EPHA6: variants seen among roughly 807,000 people sequenced by gnomAD.
The protein encoded by EPHA6 is EPH receptor A6.
EPHA6 carries 50 observed loss-of-function variants against 112.0 expected under a neutral mutation model. That is an observed-to-expected ratio of 0.45 (90% CI 0.36 to 0.56). The LOEUF (loss-of-function observed/expected upper bound fraction) is 0.56. EPHA6 is among the 20% of genes least tolerant of loss of function. The probability of loss-of-function intolerance (pLI) is 0.00; values close to 1 mark genes in which losing one functional copy is unlikely to be tolerated. For missense variants in EPHA6, 1,280 were observed against 1,417.4 expected, an observed-to-expected ratio of 0.90 and a Z score of 1.56; for synonymous variants, 529 against 490.7, an observed-to-expected ratio of 1.08 and a Z score of -1.03.
intron 12 of EPHA6, among the ~76,000 whole-genome samples, chr3:97,602,072 C>T (rs1195802817): frequency 6.6e-6 from 1 of 151,992 alleles, no homozygotes; most frequent in East Asian, 1.9e-4. Context: ...GTGTCTTCCC[C>T]AGAGTTTTTG....
In EPHA6 at chr3:96,986,226, T is replaced by C. The variant is rs1408039837; in HGVS notation, c.451-1104T>C. 2.0e-5 allele frequency among the ~76,000 whole-genome samples: 3 copies of C among 152,166 alleles called. No homozygotes were observed. In the East Asian group the frequency reaches 5.8e-4, roughly 29 times the overall value. ...ACTGCTTTCAGGGTACCCAAATATTTTTATTAAATCCCTTAAAAATGGACA... is the reference window on the plus strand; with the variant it reads ...ACTGCTTTCAGGGTACCCAAATATTCTTATTAAATCCCTTAAAAATGGACA... On this transcript the variant is annotated intron_variant, in intron 2 of 17. Transcript: ENST00000389672.
chr3:97,200,766 G>A (rs1273881333), intron 3 of EPHA6, among the ~76,000 whole-genome samples: 1 of 152,094 alleles, frequency 6.6e-6, no homozygotes, highest in Non-Finnish European at 1.5e-5. Flanking sequence ...AATGAATATG[G>A]CATACTGTCT....
At position 97,761,478 on chromosome 3, in the gene EPHA6, GC is replaced by G. The variant is rs2036166832; in HGVS notation, c.*12779del. ...TATCAGGGTCTTACAGATGGAGTAA[GC>G]CTGTTTATTAAAATATCTATTGGCA... On this transcript the variant is annotated 3_prime_UTR_variant, in exon 18 of 18. Coordinates refer to ENST00000389672, the MANE Select transcript of EPHA6 (RefSeq NM_001080448.3). 1 of 176,888 alleles carries G rather than the reference GC, an allele frequency of 5.7e-6. No homozygotes were observed. Among genetic ancestry groups the G allele is most frequent in the African/African-American group, 2.4e-5 (1 of 42,214 alleles). The allele number at this position is 176,888 out of a possible 1,614,324, so 11.0% of individuals were successfully genotyped here. A position where few individuals can be genotyped will look rare whatever the true frequency, so the allele number is the denominator to read the frequency against.
At chr3:97,519,127 G>T (rs533526497) in intron 10 of EPHA6, among the ~76,000 whole-genome samples, 2 of 152,194 alleles carry the variant, frequency 1.3e-5, no homozygotes, top group East Asian at 3.9e-4. Flanking sequence ...TTATGGCTTT[G>T]GGTCCTGCAT....
intron 14 of EPHA6, among the ~76,000 whole-genome samples, chr3:97,686,197 G>T (rs552148607): frequency 6.6e-6 from 1 of 152,234 alleles, no homozygotes; most frequent in African/African-American, 2.4e-5. Flanking sequence ...ATAAGAGAAA[G>T]GAACTCTCTA....
intron 3 of EPHA6, among the ~76,000 whole-genome samples, chr3:97,161,684 G>C (rs2076419329): frequency 6.6e-6 from 1 of 151,888 alleles, no homozygotes; most frequent in Non-Finnish European, 1.5e-5. Context: ...GGGATATCTT[G>C]ATATGCTCTA....
chr3:97,594,630 T>C (rs953866254), intron 12 of EPHA6, among the ~76,000 whole-genome samples: 5 of 152,178 alleles, frequency 3.3e-5, no homozygotes, highest in African/African-American at 1.2e-4. Context: ...TGTTCAACTA[T>C]AGCTTATTTC....
At chr3:97,166,685 G>T (rs1177169832) in intron 3 of EPHA6, among the ~76,000 whole-genome samples, 1 of 152,170 alleles carries the variant, frequency 6.6e-6, no homozygotes, top group Non-Finnish European at 1.5e-5. Context: ...GGATGGGCCA[G>T]ATAATTCTGC....
Position 97,394,652 on chromosome 3 carries a change from T to C in EPHA6, c.1607-10498T>C, listed in dbSNP as rs191869436. 2.0e-5 allele frequency among the ~76,000 whole-genome samples: 3 copies of C among 151,780 alleles called. No individual in the cohort carries two copies. In the East Asian group the frequency reaches 5.8e-4, roughly 29 times the overall value. ...TATTTTTGAAGAGAAGACATACAAA[T>C]AGCCAACCTGTACATGAAAAAATAT... On this transcript the variant is annotated intron_variant, in intron 5 of 17. Transcript: ENST00000389672.
chr3:97,731,138 G>GA (rs2035014784), intron 15 of EPHA6, among the ~76,000 whole-genome samples: 1 of 151,858 alleles, frequency 6.6e-6, no homozygotes, highest in African/African-American at 2.4e-5. Context: ...AAGACAGAAT[G>GA]AAAAAAGATT....
intron 2 of EPHA6, among the ~76,000 whole-genome samples, chr3:96,867,186 A>G (rs2036365647): frequency 6.6e-6 from 1 of 151,890 alleles, no homozygotes; most frequent in African/African-American, 2.4e-5. Flanking sequence ...GTAAGTTTAT[A>G]TATGTTACAT....
intron 3 of EPHA6, among the ~76,000 whole-genome samples, chr3:97,044,266 C>T (rs2108063054): frequency 6.6e-6 from 1 of 152,170 alleles, no homozygotes; most frequent in South Asian, 2.1e-4. Context: ...TATAATATTT[C>T]ACATTGGATG....
At chr3:97,484,127 A>C (rs1053259260) in intron 10 of EPHA6, 68 bp downstream of exon 10, 1 of 1,449,402 alleles carries the variant, frequency 6.9e-7, no homozygotes, top group Non-Finnish European at 9.2e-7. Flanking sequence ...TTATCAACAT[A>C]CTATCTTAAA....
intron 2 of EPHA6, among the ~76,000 whole-genome samples, chr3:96,938,787 A>G (rs1490723427): frequency 6.6e-6 from 1 of 152,058 alleles, no homozygotes; most frequent in Non-Finnish European, 1.5e-5. Context: ...CGTCCCATCA[A>G]TACCTAATTT....
intron 10 of EPHA6, among the ~76,000 whole-genome samples, chr3:97,493,954 T>A (rs2091914751): frequency 6.6e-6 from 1 of 152,166 alleles, no homozygotes; most frequent in South Asian, 2.1e-4. Flanking sequence ...ACTTTTCAGA[T>A]AATATGCTGA....
intron 3 of EPHA6, among the ~76,000 whole-genome samples, chr3:97,001,976 G>A (rs991547814): frequency 1.2e-4 from 18 of 151,872 alleles, no homozygotes; most frequent in Admixed American, 2.6e-4. Flanking sequence ...CTATTGTCTT[G>A]GATAGAATTC....
chr3:97,245,813 C>T (rs557997130), intron 5 of EPHA6, among the ~76,000 whole-genome samples: 7 of 151,774 alleles, frequency 4.6e-5, no homozygotes, highest in Middle Eastern at 3.4e-3. Context: ...ACACTACATA[C>T]GTGATAAATG....
chr3:97,520,222 C>T (rs1233190532), intron 10 of EPHA6, among the ~76,000 whole-genome samples: 2 of 152,118 alleles, frequency 1.3e-5, no homozygotes, highest in Non-Finnish European at 2.9e-5. Context: ...CTACCTCAGC[C>T]TCCCAAAGTG....
chr3:97,049,534 T>C (rs748365861), intron 3 of EPHA6, among the ~76,000 whole-genome samples: 10 of 152,204 alleles, frequency 6.6e-5, no homozygotes, highest in Non-Finnish European at 1.5e-4. Flanking sequence ...TAATCTCGTT[T>C]TACAAGTCAT....
Sources: gnomAD v4.1 joint callset for allele counts (sites outside exome capture counted in the v4.1 genomes callset) on GRCh38, gnomAD v4.1.1 for gene constraint, MANE v1.5 for transcripts, NCBI Gene and HGNC (gene_info 2026-07-23, HGNC 2026-07-21) for gene names.